Variants in NMNAT1 observed in about 807,000 individuals in gnomAD.
NMNAT1 encodes nicotinamide/nicotinic acid mononucleotide adenylyltransferase 1.
A neutral mutation model predicts 16.7 loss-of-function variants in NMNAT1; 11 were observed. That is an observed-to-expected ratio of 0.66 (90% confidence interval 0.41 to 1.09). The LOEUF (loss-of-function observed/expected upper bound fraction) is 1.09. NMNAT1 is among the 50% of genes least tolerant of loss of function. The probability of loss-of-function intolerance (pLI) is 0.00; values close to 1 mark genes in which losing one functional copy is unlikely to be tolerated. For missense variants in NMNAT1, 280 were observed against 332.3 expected, an observed-to-expected ratio of 0.84 and a Z score of 1.22; for synonymous variants, 110 against 119.8, an observed-to-expected ratio of 0.92 and a Z score of 0.53.
chr1:9,988,471 C>T (rs1343494415), downstream of NMNAT1, among the ~76,000 whole-genome samples: 1 of 151,948 alleles, frequency 6.6e-6, no homozygotes, highest in African/African-American at 2.4e-5. Context: ...GAGGCCAAGG[C>T]ATTTGGATCA....
chr1:9,968,221 G>A (rs1423720033), intron 1 of NMNAT1, among the ~76,000 whole-genome samples: 3 of 151,338 alleles, frequency 2.0e-5, no homozygotes, highest in Non-Finnish European at 2.9e-5. Context: ...ACAGGTGCCC[G>A]CCACCACGCC....
At chr1:9,957,170 C>T (rs1641282734) in intron 1 of NMNAT1, among the ~76,000 whole-genome samples, 1 of 152,108 alleles carries the variant, frequency 6.6e-6, no homozygotes, top group South Asian at 2.1e-4. Context: ...GCTGGGATTA[C>T]AGGAATGTAC....
At chr1:9,962,248 T>C (rs1641430305) in intron 1 of NMNAT1, among the ~76,000 whole-genome samples, 1 of 151,634 alleles carries the variant, frequency 6.6e-6, no homozygotes. Context: ...TTTTGGAGGC[T>C]GAGGCAGGCG....
intron 1 of NMNAT1, among the ~76,000 whole-genome samples, chr1:9,968,210 T>A (rs1253228085): frequency 1.3e-5 from 2 of 150,992 alleles, no homozygotes. Context: ...TAGCTGGGAC[T>A]ACAGGTGCCC....
At chr1:9,960,385 G>C (rs1641375728) in intron 1 of NMNAT1, among the ~76,000 whole-genome samples, 1 of 152,134 alleles carries the variant, frequency 6.6e-6, no homozygotes, top group African/African-American at 2.4e-5. Context: ...ATTTTGGCCA[G>C]GTGTGGTGGC....
intron 1 of NMNAT1, among the ~76,000 whole-genome samples, chr1:9,969,655 G>A (rs995910263): frequency 1.3e-5 from 2 of 152,168 alleles, no homozygotes; most frequent in African/African-American, 2.4e-5. Context: ...GGAGGCTGAG[G>A]CAGGAGAATT....
intron 3 of NMNAT1, among the ~76,000 whole-genome samples, chr1:9,976,519 C>A (rs1365937998): frequency 1.3e-5 from 2 of 152,172 alleles, no homozygotes; most frequent in African/African-American, 4.8e-5. Context: ...GTGCTGCTTC[C>A]ATGACAGCAT....
intron 1 of NMNAT1, among the ~76,000 whole-genome samples, chr1:9,949,410 C>CT (rs35755485): frequency 0.05 from 5,847 of 117,836 alleles, 441 homozygotes; most frequent in East Asian, 0.19. Flanking sequence ...TCTTCCACTG[C>CT]TTTTTTTTTT....
chr1:9,958,559 C>G (rs1003045280), intron 1 of NMNAT1, among the ~76,000 whole-genome samples: 4 of 151,890 alleles, frequency 2.6e-5, no homozygotes, highest in Non-Finnish European at 4.4e-5. Flanking sequence ...CCTGCCTCAG[C>G]CTCCTGAGTA....
intron 1 of NMNAT1, among the ~76,000 whole-genome samples, chr1:9,968,080 G>GTTTTTTTTTTTTTTTTTTTTTTTTTT (rs6143117): frequency 2.0e-4 from 23 of 117,798 alleles, no homozygotes; most frequent in Non-Finnish European, 3.2e-4. Flanking sequence ...TTTTTTTTTT[G>GTTTTTTTTTTTTTTTTTTTTTTTTTT]TTTTTTTTTG....
chr1:9,986,359 A>T (rs1485461207), downstream of NMNAT1, among the ~76,000 whole-genome samples: 1 of 152,194 alleles, frequency 6.6e-6, no homozygotes, highest in East Asian at 1.9e-4. Flanking sequence ...CAAATGTGTA[A>T]TTTTACCCAT....
intron 3 of NMNAT1, among the ~76,000 whole-genome samples, chr1:9,978,149 G>T (rs1233115375): frequency 6.6e-6 from 1 of 152,174 alleles, no homozygotes; most frequent in Non-Finnish European, 1.5e-5. Flanking sequence ...CTGAGGTCAG[G>T]AGATCGAGAC....
chr1:9,980,357 A>G (rs765136356), intron 3 of NMNAT1, among the ~76,000 whole-genome samples: 4 of 151,780 alleles, frequency 2.6e-5, no homozygotes, highest in Non-Finnish European at 5.9e-5. Flanking sequence ...TTGGCCAGGC[A>G]CCTATAATCC....
At chr1:9,995,190 A>G in the NMNAT1 span, among the ~76,000 whole-genome samples, 1 of 151,984 alleles carries the variant, frequency 6.6e-6, no homozygotes, top group African/African-American at 2.4e-5. Context: ...TGAGCCTAGG[A>G]GTTTGAGACC....
At chr1:9,960,548 A>G (rs927877846) in intron 1 of NMNAT1, among the ~76,000 whole-genome samples, 3 of 152,128 alleles carry the variant, frequency 2.0e-5, no homozygotes, top group African/African-American at 7.2e-5. Flanking sequence ...GCCAAAACGC[A>G]GTGGCTCAAT....
chr1:9,963,076 G>A (rs1189592375), intron 1 of NMNAT1, among the ~76,000 whole-genome samples: 1 of 151,724 alleles, frequency 6.6e-6, no homozygotes, highest in Non-Finnish European at 1.5e-5. Context: ...ATTGTCCAAG[G>A]GGTTAAAGTT....
At chr1:9,987,997 AGTT>A (rs911088335), downstream of NMNAT1, among the ~76,000 whole-genome samples, 33 of 151,908 alleles carry the variant, frequency 2.2e-4, no homozygotes, top group Non-Finnish European at 2.1e-4. Context: ...TGGTTTTTTT[AGTT>A]GTTGTTGTTT....
downstream of NMNAT1, among the ~76,000 whole-genome samples, chr1:9,989,231 G>A (rs546651955): frequency 6.6e-6 from 1 of 152,176 alleles, no homozygotes; most frequent in South Asian, 2.1e-4. Flanking sequence ...GCCAGGGCGG[G>A]CAGATCACTT....
chr1:9,985,879 C>T (rs1221346464), downstream of NMNAT1, among the ~76,000 whole-genome samples: 4 of 151,966 alleles, frequency 2.6e-5, no homozygotes, highest in Non-Finnish European at 4.4e-5. Flanking sequence ...GCAAAGCTGG[C>T]CTCAAATGAT....
Sources: allele counts gnomAD v4.1 joint callset (sites outside exome capture counted in the v4.1 genomes callset), GRCh38; gene constraint gnomAD v4.1.1; transcripts MANE v1.5; gene names NCBI Gene and HGNC (gene_info 2026-07-23, HGNC 2026-07-21).